MSI2: variants seen among roughly 807,000 people sequenced by gnomAD.
MSI2 encodes musashi RNA binding protein 2, also known as RNA-binding protein Musashi homolog 2.
Under a neutral mutation model 45.6 loss-of-function variants are expected in MSI2, and 17 were observed. That is an observed-to-expected ratio of 0.37 (90% CI 0.26 to 0.56). The LOEUF (loss-of-function observed/expected upper bound fraction) is 0.56, where lower values mean the gene tolerates loss of function less well. MSI2 is among the 20% of genes least tolerant of loss of function. The pLI is 0.77. For missense variants in MSI2, 293 were observed against 444.2 expected (o/e 0.66, Z 3.06); for synonymous variants, 156 against 158.2 (o/e 0.99, Z 0.11).
intron 5 of MSI2, among the ~76,000 whole-genome samples, chr17:57,343,106 C>T (rs1915308524): frequency 6.6e-6 from 1 of 152,146 alleles, no homozygotes; most frequent in South Asian, 2.1e-4. Flanking sequence ...AATGTGACTA[C>T]AATCAATTTT....
In MSI2 at chr17:57,410,581, A is replaced by T. The variant is rs2084177062; in HGVS notation, c.405+9110A>T. Among the ~76,000 whole-genome samples the T allele has an allele frequency of 3.7e-5, 4 of 108,568 alleles. No individual in the cohort carries two copies. In the Admixed American group the frequency reaches 4.4e-4, roughly 12 times the overall value. The allele number at this position is 108,568 out of a possible 152,430, so 71.2% of individuals were successfully genotyped here. On this transcript the variant is annotated intron_variant, in intron 6 of 13. Transcript: ENST00000284073. Reference sequence around the variant, plus strand: ...CTTGTAGTTAAAGAGCAAAATAAGGATTTAATTAAATTAAAAAAAAAAGAA... The same window carrying T: ...CTTGTAGTTAAAGAGCAAAATAAGGTTTTAATTAAATTAAAAAAAAAAGAA...
rs74668668 is a variant in MSI2, at chr17:57,621,175, C to T, written c.652+5091C>T. On this transcript the variant is annotated intron_variant, in intron 9 of 13. Coordinates refer to ENST00000284073, the MANE Select transcript of MSI2 (RefSeq NM_138962.4). ...CTTTTGGTAGCATGGCCTGACATGA[C>T]CCCATCAGTTACATGGGTCACCATC... Among the ~76,000 whole-genome samples, 1,145 of 152,316 alleles carry T rather than the reference C, an allele frequency of 7.5e-3. 6 individuals are homozygous for T. Among genetic ancestry groups the T allele is most frequent in the Non-Finnish European group, 0.013 (861 of 68,024 alleles).
At chr17:57,536,160 G>A (rs2086915633) in intron 7 of MSI2, among the ~76,000 whole-genome samples, 1 of 152,106 alleles carries the variant, frequency 6.6e-6, no homozygotes, top group Non-Finnish European at 1.5e-5. Context: ...ATAATTTAAA[G>A]CATTGCTTCA....
intron 6 of MSI2, among the ~76,000 whole-genome samples, chr17:57,421,720 C>CA (rs1445985495): frequency 1.3e-5 from 2 of 152,000 alleles, no homozygotes; most frequent in Non-Finnish European, 2.9e-5. Flanking sequence ...CCTATCTGTA[C>CA]AAAAAATGTG....
intron 5 of MSI2, among the ~76,000 whole-genome samples, chr17:57,313,711 C>G (rs541307681): frequency 6.6e-6 from 1 of 152,160 alleles, no homozygotes; most frequent in Non-Finnish European, 1.5e-5. Context: ...CAGTTCGGTC[C>G]GGTTCATGTT....
Position 57,401,457 on chromosome 17 carries a change from G to T in MSI2, c.391G>T (p.Glu131Ter). 6.2e-7 allele frequency: 1 copy of T among 1,614,066 alleles called. No individual in the cohort carries two copies. Among genetic ancestry groups the T allele is most frequent in the South Asian group, 1.1e-5 (1 of 91,066 alleles). ...TVVEDVKQYF[E>*]QFGKVEDAML... ...AGTGGAAGATGTAAAGCAATATTTCGAGCAGTTTGGCAAGGTAAGCGCTGG... is the reference window on the plus strand; with the variant it reads ...AGTGGAAGATGTAAAGCAATATTTCTAGCAGTTTGGCAAGGTAAGCGCTGG... Residue 131 changes from glutamate to a stop codon, truncating the protein, a stop_gained, in exon 6 of 14, where the codon GAG becomes TAG. Transcript: ENST00000284073. LOFTEE classifies it high-confidence loss of function.
chr17:57,485,848 G>A (rs1242496411), intron 6 of MSI2, among the ~76,000 whole-genome samples: 2 of 152,206 alleles, frequency 1.3e-5, no homozygotes, highest in African/African-American at 4.8e-5. Flanking sequence ...TCTGGCCGTG[G>A]AGGGGAGGGC....
chr17:57,437,743 G>A (rs1347325636), intron 6 of MSI2, among the ~76,000 whole-genome samples: 1 of 152,198 alleles, frequency 6.6e-6, no homozygotes, highest in Non-Finnish European at 1.5e-5. Context: ...CATTCTGTGT[G>A]GACCAAACAA....
At chr17:57,385,689 C>T (rs974801663) in intron 5 of MSI2, among the ~76,000 whole-genome samples, 5 of 152,256 alleles carry the variant, frequency 3.3e-5, no homozygotes, top group African/African-American at 1.2e-4. Flanking sequence ...TCCTGCTGCT[C>T]ATCATTTCAA....
chr17:57,306,482 C>T (rs1213671610), intron 5 of MSI2, among the ~76,000 whole-genome samples: 1 of 152,206 alleles, frequency 6.6e-6, no homozygotes, highest in Admixed American at 6.5e-5. Flanking sequence ...TATCTTCCCT[C>T]TCCCCAGTGT....
At chr17:57,574,149 C>G (rs1312330831) in intron 7 of MSI2, among the ~76,000 whole-genome samples, 2 of 152,156 alleles carry the variant, frequency 1.3e-5, no homozygotes, top group Non-Finnish European at 2.9e-5. Context: ...CAGCCCCACC[C>G]CTCATATCCT....
intron 5 of MSI2, among the ~76,000 whole-genome samples, chr17:57,305,775 T>C (rs1238546410): frequency 2.0e-5 from 3 of 152,192 alleles, no homozygotes; most frequent in African/African-American, 4.8e-5. Context: ...TTCTCTGCCA[T>C]TGAGTTGGCT....
intron 6 of MSI2, among the ~76,000 whole-genome samples, chr17:57,528,857 A>G (rs140177693): frequency 6.6e-6 from 1 of 152,326 alleles, no homozygotes; most frequent in African/African-American, 2.4e-5. Flanking sequence ...GACTTCAACT[A>G]TGAATTTTGG....
intron 5 of MSI2, among the ~76,000 whole-genome samples, chr17:57,306,179 C>A (rs1474504178): frequency 6.6e-6 from 1 of 151,920 alleles, no homozygotes; most frequent in Non-Finnish European, 1.5e-5. Context: ...CCCACTGGCT[C>A]CTCTGGCTGA....
At chr17:57,660,986 A>G (rs1164895393) in intron 11 of MSI2, among the ~76,000 whole-genome samples, 1 of 152,238 alleles carries the variant, frequency 6.6e-6, no homozygotes, top group East Asian at 1.9e-4. Flanking sequence ...AGCTTTGACA[A>G]CATTGTCCAG....
At position 57,529,753 on chromosome 17, in the gene MSI2, C is replaced by G. The variant is rs776651463; in HGVS notation, c.454+29C>G. ...AGATTACCCCAGTGTAAGAGGGTTG[C>G]GTTCACCCTCTCCTGGCCTCTCTGT... On this transcript the variant is annotated intron_variant, in intron 7 of 13. Transcript: ENST00000284073. This position sits in a 1 kb window ranked among gnomAD's most constrained non-coding sequence, Gnocchi z 5.3. 6.3e-7 allele frequency: 1 copy of G among 1,585,062 alleles called. No individual in the cohort carries two copies. Among genetic ancestry groups the G allele is most frequent in the Non-Finnish European group, 8.6e-7 (1 of 1,158,580 alleles).
chr17:57,269,912 G>A (rs994696505), intron 5 of MSI2, among the ~76,000 whole-genome samples: 5 of 152,154 alleles, frequency 3.3e-5, no homozygotes, highest in Non-Finnish European at 5.9e-5. Context: ...TGTGAAGTGC[G>A]CAGGTGTGGT....
chr17:57,308,011 A>G (rs1390308530), intron 5 of MSI2, among the ~76,000 whole-genome samples: 1 of 152,238 alleles, frequency 6.6e-6, no homozygotes, highest in Non-Finnish European at 1.5e-5. Context: ...TCAATGCATG[A>G]AGAATGAATG....
At chr17:57,462,799 G>A (rs2085255994) in intron 6 of MSI2, among the ~76,000 whole-genome samples, 1 of 152,218 alleles carries the variant, frequency 6.6e-6, no homozygotes, top group Non-Finnish European at 1.5e-5. Flanking sequence ...TGTGGCAGAG[G>A]CCTCTGGATA....
Sources: allele counts gnomAD v4.1 joint callset (sites outside exome capture counted in the v4.1 genomes callset), GRCh38; gene constraint gnomAD v4.1.1; non-coding constraint Gnocchi (gnomAD v3.1); transcripts MANE v1.5; gene names NCBI Gene and HGNC (gene_info 2026-07-23, HGNC 2026-07-21).